The following DIXDC1 variants were observed in gnomAD, a reference collection of about 807,000 sequenced individuals.
The protein encoded by DIXDC1 is DIX domain containing 1.
Under a neutral mutation model 103.1 loss-of-function variants are expected in DIXDC1, and 64 were observed. That is an observed-to-expected ratio of 0.62 (90% confidence interval 0.51 to 0.76). The LOEUF is 0.76. Among genes scored for constraint, DIXDC1 ranks in the 30% least tolerant of loss-of-function variants. The pLI, the probability that DIXDC1 is intolerant of heterozygous loss-of-function variation, is 0.00. For synonymous variants in DIXDC1, 266 were observed against 298.5 expected, an observed-to-expected ratio of 0.89 and a Z score of 1.12; for missense variants, 759 against 834.2, an observed-to-expected ratio of 0.91 and a Z score of 1.11.
chr11:111,984,208 AG>A (rs1860414461), intron 7 of DIXDC1, among the ~76,000 whole-genome samples: 1 of 152,134 alleles, frequency 6.6e-6, no homozygotes, highest in Admixed American at 6.6e-5. Flanking sequence ...GTGTGTGTGC[AG>A]GGGGGCTTCT....
At chr11:111,946,751 C>T (rs1555169427) in intron 1 of DIXDC1, 9 of 476,896 alleles carry the variant, frequency 1.9e-5, no homozygotes, top group Admixed American at 8.3e-5. Flanking sequence ...CCTGGGCACA[C>T]GCCACATGCA....
At chr11:111,979,227 A>G (rs1860219299) in intron 5 of DIXDC1, among the ~76,000 whole-genome samples, 1 of 152,188 alleles carries the variant, frequency 6.6e-6, no homozygotes, top group Non-Finnish European at 1.5e-5. Flanking sequence ...AGGATGAGAC[A>G]CTAGTCCTCA....
chr11:111,936,175 C>G (rs1966180385), upstream of DIXDC1, among the ~76,000 whole-genome samples: 1 of 152,266 alleles, frequency 6.6e-6, no homozygotes, highest in South Asian at 2.1e-4. Context: ...CGTCCTTGGA[C>G]AAGGCCCTGA....
intron 2 of DIXDC1, chr11:111,929,929 A>G (rs1555167500): frequency 3.3e-6 from 5 of 1,534,814 alleles, no homozygotes; most frequent in East Asian, 2.4e-5. Context: ...TTGGTGTACT[A>G]TTGTGAAAAG....
At chr11:111,955,987 T>TATACACAC (rs373096153) in intron 1 of DIXDC1, among the ~76,000 whole-genome samples, 1 of 142,534 alleles carries the variant, frequency 7.0e-6, no homozygotes, top group African/African-American at 2.6e-5. Context: ...TATATATGTG[T>TATACACAC]ACACACACAC....
At chr11:111,978,493 G>T (rs1860192599) in intron 5 of DIXDC1, among the ~76,000 whole-genome samples, 1 of 149,276 alleles carries the variant, frequency 6.7e-6, no homozygotes, top group African/African-American at 2.5e-5. Flanking sequence ...CCTCACATTG[G>T]CAGCCTCAAT....
At chr11:111,968,817 C>T (rs1318830393) in intron 3 of DIXDC1, among the ~76,000 whole-genome samples, 179 bp downstream of exon 3, 1 of 151,998 alleles carries the variant, frequency 6.6e-6, no homozygotes, top group African/African-American at 2.4e-5. Context: ...TCTTCTTGCC[C>T]AGGCTGGAGT....
intron 1 of DIXDC1, among the ~76,000 whole-genome samples, chr11:111,962,615 C>T (rs1555171177): frequency 6.6e-6 from 1 of 152,082 alleles, no homozygotes; most frequent in Non-Finnish European, 1.5e-5. Flanking sequence ...AGCTGGAGAA[C>T]AGGTGAAGGC....
rs1860744343 is a variant in DIXDC1, at chr11:111,992,535, G to T, written c.1218+16G>T. On this transcript the variant is annotated intron_variant, in intron 11 of 19. Coordinates refer to ENST00000440460, the MANE Select transcript of DIXDC1 (RefSeq NM_001037954.4). ...CAACCAGAATGTGAGTTAAATGAAT[G>T]AGCCTTGACCTCAGTGAGCCCCATT... 8.4e-6 allele frequency: 13 copies of T among 1,553,474 alleles called. No homozygotes were observed. The highest frequency in any genetic ancestry group is 1.1e-5 in the Non-Finnish European group (13 of 1,147,022).
At chr11:111,938,436 C>G (rs754751321) in intron 1 of DIXDC1, among the ~76,000 whole-genome samples, 1 of 152,092 alleles carries the variant, frequency 6.6e-6, no homozygotes, top group Non-Finnish European at 1.5e-5. Context: ...ATTTCTCTCT[C>G]GCTCCTTTTC....
At chr11:111,985,114 G>A (rs980534837) in intron 7 of DIXDC1, 118 bp from the exon 8 acceptor site, 18 of 810,262 alleles carry the variant, frequency 2.2e-5, no homozygotes, top group Non-Finnish European at 2.9e-5. Context: ...AATTACCAAC[G>A]AAATGTCTTG....
chr11:112,022,081 A>C lies in DIXDC1; in HGVS notation c.*3045A>C, dbSNP rs1555178575. Reference sequence around the variant, plus strand: ...GATTGGGATACTTTACAATTTTTACATTTTTAAATTTGAAGAATTTGTTTT... The same window carrying C: ...GATTGGGATACTTTACAATTTTTACCTTTTTAAATTTGAAGAATTTGTTTT... On this transcript the variant is annotated 3_prime_UTR_variant, in exon 20 of 20. Coordinates refer to ENST00000440460, the MANE Select transcript of DIXDC1 (RefSeq NM_001037954.4). This position sits in a 1 kb window ranked among gnomAD's most constrained non-coding sequence, Gnocchi z 4.9. 1 of 151,996 alleles carries C rather than the reference A, an allele frequency of 6.6e-6. No homozygotes were observed. Among genetic ancestry groups the C allele is most frequent in the African/African-American group, 2.4e-5 (1 of 41,364 alleles). The allele number at this position is 151,996 out of a possible 1,614,324, so 9.4% of individuals were successfully genotyped here.
At chr11:111,968,276 G>A (rs1407003751) in intron 2 of DIXDC1, among the ~76,000 whole-genome samples, 2 of 152,144 alleles carry the variant, frequency 1.3e-5, no homozygotes, top group African/African-American at 2.4e-5. Flanking sequence ...TTTGCTGACT[G>A]AATAAATGTA....
intron 17 of DIXDC1, among the ~76,000 whole-genome samples, chr11:112,003,343 C>T (rs1451376893): frequency 6.6e-6 from 1 of 151,814 alleles, no homozygotes; most frequent in East Asian, 1.9e-4. Context: ...TAATCCCAGC[C>T]ACTTGAGGCA....
At chr11:111,933,533 G>A (rs587636165), upstream of DIXDC1, among the ~76,000 whole-genome samples, 13 of 152,090 alleles carry the variant, frequency 8.5e-5, no homozygotes, top group African/African-American at 2.6e-4. Flanking sequence ...GGGCTCAAGC[G>A]ATCCTCCCAC....
chr11:112,015,768 C>T (rs113327429), intron 17 of DIXDC1, among the ~76,000 whole-genome samples: 3,566 of 145,636 alleles, frequency 0.024, 153 homozygotes, highest in African/African-American at 0.085. Flanking sequence ...CACCACTGCA[C>T]TCCAGCCTGG....
chr11:111,948,912 A>ATAACTCT (rs1966687638), intron 1 of DIXDC1, among the ~76,000 whole-genome samples: 1 of 152,016 alleles, frequency 6.6e-6, no homozygotes, highest in South Asian at 2.1e-4. Context: ...CATCTGCCAA[A>ATAACTCT]TAACTCTTAG....
intron 1 of DIXDC1, chr11:111,946,849 G>A: frequency 2.5e-6 from 1 of 397,410 alleles, no homozygotes; most frequent in South Asian, 2.0e-5. Context: ...GTTAGAGGCT[G>A]TATTGCAGAA....
intron 17 of DIXDC1, among the ~76,000 whole-genome samples, chr11:112,003,790 C>G (rs376657257): frequency 2.0e-4 from 30 of 149,976 alleles, no homozygotes; most frequent in African/African-American, 6.9e-4. Flanking sequence ...AAGAGTGAAG[C>G]TCTGTCTCAA....
Sources: allele counts gnomAD v4.1 joint callset (sites outside exome capture counted in the v4.1 genomes callset), GRCh38; gene constraint gnomAD v4.1.1; non-coding constraint Gnocchi (gnomAD v3.1); transcripts MANE v1.5; gene names NCBI Gene and HGNC (gene_info 2026-07-23, HGNC 2026-07-21).